The following DOCK2 variants were observed in gnomAD, a reference collection of about 807,000 sequenced individuals.
The protein encoded by DOCK2 is dedicator of cytokinesis 2.
DOCK2 carries 87 observed loss-of-function variants against 248.9 expected under a neutral mutation model. That is an observed-to-expected ratio of 0.35 (90% CI 0.29 to 0.42). The LOEUF (loss-of-function observed/expected upper bound fraction) is 0.42. Ranked by LOEUF, DOCK2 falls within the 10% of genes least tolerant of loss-of-function variation. The pLI is 1.00. For missense variants in DOCK2, 1,747 were observed against 2,300.2 expected (o/e 0.76, Z 4.92); for synonymous variants, 805 against 821.6 (o/e 0.98, Z 0.35).
chr5:169,987,628 T>A (rs2113789864), intron 29 of DOCK2, among the ~76,000 whole-genome samples: 1 of 152,280 alleles, frequency 6.6e-6, no homozygotes, highest in South Asian at 2.1e-4. Context: ...TGAAGGAATA[T>A]TTCCTCCTGA....
chr5:169,883,956 G>A, intron 27 of DOCK2: 10 of 1,404,016 alleles, frequency 7.1e-6, no homozygotes, highest in Non-Finnish European at 9.4e-6. Context: ...TCTCCCCTTA[G>A]GTCTTTGGAG....
At chr5:169,698,030 A>G (rs988117904) in intron 10 of DOCK2, among the ~76,000 whole-genome samples, 2 of 152,224 alleles carry the variant, frequency 1.3e-5, no homozygotes, top group African/African-American at 4.8e-5. Context: ...TAGGCATGGT[A>G]GACATTCAAT....
intron 8 of DOCK2, among the ~76,000 whole-genome samples, chr5:169,685,507 G>A (rs1382280570): frequency 2.0e-5 from 3 of 152,142 alleles, no homozygotes; most frequent in Non-Finnish European, 4.4e-5. Context: ...GCAGGCATGC[G>A]CCACCACGCC....
chr5:170,059,427 G>A (rs932165151), intron 44 of DOCK2, among the ~76,000 whole-genome samples: 24 of 152,116 alleles, frequency 1.6e-4, no homozygotes, highest in African/African-American at 5.3e-4. Context: ...GTCACCTGGT[G>A]GTGCTCAGCA....
chr5:169,945,586 C>A (rs545606180), intron 27 of DOCK2, among the ~76,000 whole-genome samples: 1 of 152,340 alleles, frequency 6.6e-6, no homozygotes, highest in Non-Finnish European at 1.5e-5. Flanking sequence ...AATCAGGGCT[C>A]AGAGAAGTGA....
At chr5:169,852,725 C>T (rs1770678722) in intron 27 of DOCK2, among the ~76,000 whole-genome samples, 1 of 152,220 alleles carries the variant, frequency 6.6e-6, no homozygotes, top group Admixed American at 6.5e-5. Context: ...CCTGCTTTGA[C>T]ACAAGTGTCA....
chr5:169,841,128 G>C (rs1215156074), intron 27 of DOCK2, among the ~76,000 whole-genome samples: 1 of 152,164 alleles, frequency 6.6e-6, no homozygotes, highest in Non-Finnish European at 1.5e-5. Flanking sequence ...ACAGAGAAGG[G>C]AGAGCAGCTT....
At chr5:169,745,435 T>C (rs932893488) in intron 22 of DOCK2, among the ~76,000 whole-genome samples, 2 of 152,122 alleles carry the variant, frequency 1.3e-5, no homozygotes, top group African/African-American at 4.8e-5. Flanking sequence ...GAACTTCCCA[T>C]GTGGGTTGAT....
chr5:169,784,793 G>C (rs909201104), intron 25 of DOCK2, among the ~76,000 whole-genome samples: 1 of 152,182 alleles, frequency 6.6e-6, no homozygotes, highest in South Asian at 2.1e-4. Flanking sequence ...TTCTGGTTGA[G>C]GTAGCAAAGT....
intron 27 of DOCK2, among the ~76,000 whole-genome samples, chr5:169,924,598 A>G (rs1452284460): frequency 1.3e-5 from 2 of 152,274 alleles, no homozygotes; most frequent in African/African-American, 4.8e-5. Context: ...GAGCTATTCA[A>G]TCATGCTGAA....
chr5:169,873,411 C>T (rs1328118397), intron 27 of DOCK2, among the ~76,000 whole-genome samples: 1 of 152,200 alleles, frequency 6.6e-6, no homozygotes, highest in African/African-American at 2.4e-5. Flanking sequence ...ATTGCTATGA[C>T]GTTCACGGCC....
chr5:169,693,769 T>C (rs1273270784), intron 9 of DOCK2, among the ~76,000 whole-genome samples: 5 of 152,152 alleles, frequency 3.3e-5, no homozygotes, highest in African/African-American at 4.8e-5. Flanking sequence ...CCATGGAATA[T>C]AAGTTTGCGA....
intron 30 of DOCK2, among the ~76,000 whole-genome samples, chr5:169,999,634 G>C (rs1241981344): frequency 6.6e-6 from 1 of 152,086 alleles, no homozygotes; most frequent in Non-Finnish European, 1.5e-5. Context: ...TTCCTAATGA[G>C]GCTTCCATAG....
intron 2 of DOCK2, among the ~76,000 whole-genome samples, chr5:169,658,588 C>G (rs1758262088): frequency 6.6e-6 from 1 of 150,670 alleles, no homozygotes; most frequent in Admixed American, 6.6e-5. Context: ...CTCTGTCATT[C>G]TATGTATATA....
At chr5:169,747,128 C>T (rs1763655776) in intron 22 of DOCK2, among the ~76,000 whole-genome samples, 1 of 152,158 alleles carries the variant, frequency 6.6e-6, no homozygotes, top group South Asian at 2.1e-4. Flanking sequence ...AGACAAATTT[C>T]CTTCCTTTGG....
intron 26 of DOCK2, among the ~76,000 whole-genome samples, chr5:169,829,495 T>C (rs1172232987): frequency 6.6e-6 from 1 of 152,224 alleles, no homozygotes; most frequent in African/African-American, 2.4e-5. Context: ...ATTTCTGCAA[T>C]GAAAACCTTA....
chr5:169,833,659 G>A (rs1016311166), intron 26 of DOCK2, among the ~76,000 whole-genome samples: 1 of 152,142 alleles, frequency 6.6e-6, no homozygotes, highest in South Asian at 2.1e-4. Context: ...AAGACATCTG[G>A]CCTAGGAGAT....
intron 14 of DOCK2, chr5:169,703,955 C>T (rs1761113765): frequency 6.6e-6 from 1 of 152,182 alleles, no homozygotes; most frequent in African/African-American, 2.4e-5. Context: ...AATTAAAAGA[C>T]ACAGTTAACA....
At chr5:169,738,211 C>T (rs982074507) in intron 22 of DOCK2, among the ~76,000 whole-genome samples, 5 of 152,130 alleles carry the variant, frequency 3.3e-5, no homozygotes, top group African/African-American at 1.2e-4. Flanking sequence ...GTTTTTTCCA[C>T]TTAGGAATTT....
Sources: allele counts gnomAD v4.1 joint callset (sites outside exome capture counted in the v4.1 genomes callset), GRCh38; gene constraint gnomAD v4.1.1; transcripts MANE v1.5; gene names NCBI Gene and HGNC (gene_info 2026-07-23, HGNC 2026-07-21).